Variants in DOCK7 observed in about 807,000 individuals in gnomAD.
DOCK7 encodes the protein dedicator of cytokinesis 7.
In DOCK7, 138 loss-of-function variants were observed where a neutral mutation model predicts 271.0. That is an observed-to-expected ratio of 0.51 (90% CI 0.44 to 0.59). The LOEUF is 0.59. DOCK7 is among the 20% of genes least tolerant of loss of function. The probability of loss-of-function intolerance (pLI) is 0.00; values close to 1 mark genes in which losing one functional copy is unlikely to be tolerated. For missense variants in DOCK7, 2,066 were observed against 2,592.4 expected (o/e 0.80, Z 4.41); for synonymous variants, 823 against 876.1 (o/e 0.94, Z 1.07).
Position 62,601,314 on chromosome 1 carries a change from C to A in DOCK7, c.1683-14690G>T, listed in dbSNP as rs1650083786. ...TATCCATCAAATACAATGTATCAAC[C>A]TAAACTGGATGCTGGGGTTCTTTTT... is the stretch of plus-strand genomic sequence containing the variant. On this transcript the variant is annotated intron_variant, in intron 14 of 49. Transcript: ENST00000635253. 3 of 743,380 alleles carry A rather than the reference C, an allele frequency of 4.0e-6. No individual in the cohort carries two copies. In the East Asian group the frequency reaches 8.2e-5, roughly 20 times the overall value. The allele number at this position is 743,380 out of a possible 1,614,324, so 46.0% of individuals were successfully genotyped here.
chr1:62,552,941 T>C (rs781122411), intron 21 of DOCK7, 40 bp from the exon 22 acceptor site: 12 of 1,396,462 alleles, frequency 8.6e-6, no homozygotes, highest in Non-Finnish European at 1.1e-5. Flanking sequence ...TAAAGAAAAT[T>C]AGTCAGGAAA....
At chr1:62,563,625 C>G (rs1455946022) in intron 18 of DOCK7, among the ~76,000 whole-genome samples, 2 of 151,670 alleles carry the variant, frequency 1.3e-5, no homozygotes, top group Admixed American at 1.3e-4. Flanking sequence ...ATTCAAATCC[C>G]CATTACCAAA....
At chr1:62,670,094 C>T (rs1242980927) in intron 1 of DOCK7, among the ~76,000 whole-genome samples, 2 of 151,714 alleles carry the variant, frequency 1.3e-5, no homozygotes, top group Non-Finnish European at 2.9e-5. Flanking sequence ...GTGCTGCGCT[C>T]GATTTCTCGC....
At position 62,564,375 on chromosome 1, in the gene DOCK7, AGTGCAATCAAATTAGAACTCAG is replaced by A. The variant is rs561261974; in HGVS notation, c.2113-2694_2113-2673del. ...AAATCATAACAGTCTCTCAGACCAC[AGTGCAATCAAATTAGAACTCAG>A]GATTAAGAAACTCACTCAACTACAT... is the stretch of plus-strand genomic sequence containing the variant. On this transcript the variant is annotated intron_variant, in intron 18 of 49. Coordinates refer to ENST00000635253, the MANE Select transcript of DOCK7 (RefSeq NM_001367561.1). Among the ~76,000 whole-genome samples the A allele has an allele frequency of 1.4e-4, 21 of 152,330 alleles. No individual in the cohort carries two copies. In the East Asian group the frequency reaches 3.9e-3, roughly 28 times the overall value.
chr1:62,680,919 A>G (rs1661050038), intron 1 of DOCK7, among the ~76,000 whole-genome samples: 2 of 152,218 alleles, frequency 1.3e-5, no homozygotes, highest in Non-Finnish European at 2.9e-5. Context: ...AAATAGGAAC[A>G]CTTTTACAGT....
chr1:62,572,258 T>C (rs1646806710), intron 18 of DOCK7, among the ~76,000 whole-genome samples: 1 of 152,234 alleles, frequency 6.6e-6, no homozygotes, highest in Admixed American at 6.5e-5. Context: ...GTGAAAAATG[T>C]ATTTTATCTT....
chr1:62,553,649 T>C (rs1571519947), intron 21 of DOCK7, among the ~76,000 whole-genome samples: 1 of 151,468 alleles, frequency 6.6e-6, no homozygotes, highest in Non-Finnish European at 1.5e-5. Flanking sequence ...CACTGGGAAA[T>C]GTTTTTTTTA....
chr1:62,684,056 A>C (rs2149783712), intron 1 of DOCK7, among the ~76,000 whole-genome samples: 1 of 152,304 alleles, frequency 6.6e-6, no homozygotes. Context: ...TCTGGCCAAC[A>C]TGGTGAAATC....
chr1:62,505,162 C>T (rs1646904042), intron 36 of DOCK7, among the ~76,000 whole-genome samples: 1 of 152,108 alleles, frequency 6.6e-6, no homozygotes, highest in Non-Finnish European at 1.5e-5. Flanking sequence ...TGCATTCCAT[C>T]CTCTAGGATG....
intron 1 of DOCK7, among the ~76,000 whole-genome samples, chr1:62,681,566 A>G (rs1661168458): frequency 6.6e-6 from 1 of 151,706 alleles, no homozygotes; most frequent in Non-Finnish European, 1.5e-5. Flanking sequence ...AAAAATACAA[A>G]AAAAAAAAGA....
chr1:62,506,900 T>C (rs1470296986), intron 35 of DOCK7, among the ~76,000 whole-genome samples: 4 of 151,098 alleles, frequency 2.6e-5, no homozygotes, highest in African/African-American at 9.7e-5. Context: ...TGAGCTGAGA[T>C]TGCGCCACTG....
At chr1:62,506,198 T>C (rs1039407783) in intron 35 of DOCK7, among the ~76,000 whole-genome samples, 16 of 152,150 alleles carry the variant, frequency 1.1e-4, no homozygotes, top group African/African-American at 3.9e-4. Context: ...GGTACACAAA[T>C]AACCATTCTT....
intron 30 of DOCK7, among the ~76,000 whole-genome samples, 168 bp from the exon 31 acceptor site, chr1:62,528,473 G>A (rs922475840): frequency 6.6e-6 from 1 of 152,058 alleles, no homozygotes. Flanking sequence ...TCATTGCTAT[G>A]GTAATAATTT....
chr1:62,601,809 A>G, intron 14 of DOCK7: 1 of 1,610,144 alleles, frequency 6.2e-7, no homozygotes, highest in Non-Finnish European at 8.5e-7. Context: ...ACAGAGGTGA[A>G]CATACAAGTG....
At chr1:62,586,009 T>C (rs972925187) in intron 15 of DOCK7, among the ~76,000 whole-genome samples, 5 of 152,198 alleles carry the variant, frequency 3.3e-5, no homozygotes, top group South Asian at 2.1e-4. Context: ...ATGCCAGAGT[T>C]TGTCAACCAA....
chr1:62,604,560 CT>C, intron 14 of DOCK7: 1 of 1,462,596 alleles, frequency 6.8e-7, no homozygotes, highest in Admixed American at 1.7e-5. Context: ...GGAAGATAAA[CT>C]TACGGGGAAA....
At chr1:62,500,818 C>G (rs1385052258) in intron 37 of DOCK7, among the ~76,000 whole-genome samples, 2 of 152,152 alleles carry the variant, frequency 1.3e-5, no homozygotes, top group South Asian at 2.1e-4. Flanking sequence ...AAGTATAAGG[C>G]AAAGATTTCA....
chr1:62,470,121 A>G (rs1397471920), intron 48 of DOCK7, among the ~76,000 whole-genome samples: 1 of 152,238 alleles, frequency 6.6e-6, no homozygotes, highest in Non-Finnish European at 1.5e-5. Context: ...TTGCACACAC[A>G]TATTTATAGC....
chr1:62,612,945 GT>G (rs1331065729), intron 14 of DOCK7, among the ~76,000 whole-genome samples: 1 of 152,198 alleles, frequency 6.6e-6, no homozygotes, highest in Non-Finnish European at 1.5e-5. Context: ...AGAATACCAT[GT>G]GTTCTGTGGA....
Sources: allele counts gnomAD v4.1 joint callset (sites outside exome capture counted in the v4.1 genomes callset), GRCh38; gene constraint gnomAD v4.1.1; transcripts MANE v1.5; gene names NCBI Gene and HGNC (gene_info 2026-07-23, HGNC 2026-07-21).